Variants in CNGB1 observed in about 807,000 individuals in gnomAD.
The protein encoded by CNGB1 is cyclic nucleotide gated channel subunit beta 1, also known as cyclic nucleotide-gated channel beta-1.
Under a neutral mutation model 151.7 loss-of-function variants are expected in CNGB1, and 126 were observed. The ratio of observed to expected loss-of-function variants is 0.83; its 90% CI spans 0.72 to 0.96. The LOEUF is 0.96. Ranked by LOEUF, CNGB1 falls within the 40% of genes least tolerant of loss-of-function variation. CNGB1 has a pLI of 0.00. For synonymous variants in CNGB1, 623 were observed against 635.1 expected, an observed-to-expected ratio of 0.98 and a Z score of 0.29; for missense variants, 1,698 against 1,627.0, an observed-to-expected ratio of 1.04 and a Z score of -0.75.
At chr16:57,926,362 G>A (rs930503435) in intron 17 of CNGB1, among the ~76,000 whole-genome samples, 10 of 152,116 alleles carry the variant, frequency 6.6e-5, no homozygotes, top group Admixed American at 4.6e-4. Context: ...CACTCCACTG[G>A]GACCCAAACC....
intron 14 of CNGB1, 121 bp downstream of exon 14, chr16:57,949,232 C>T: frequency 6.4e-7 from 1 of 1,569,462 alleles, no homozygotes; most frequent in Non-Finnish European, 8.6e-7. Context: ...CAAAGCCCAG[C>T]CTTACACAGC....
At chr16:57,957,443 C>T in intron 11 of CNGB1, 66 bp from the exon 12 acceptor site, 3 of 1,445,546 alleles carry the variant, frequency 2.1e-6, no homozygotes, top group Admixed American at 1.7e-5. Flanking sequence ...CCGTTTCAGC[C>T]ACACCTTCTA....
intron 29 of CNGB1, 68 bp downstream of exon 29, chr16:57,901,284 G>A: frequency 6.7e-7 from 1 of 1,491,630 alleles, no homozygotes. Flanking sequence ...CACCCCTCCA[G>A]CTCAGTTCCT....
At chr16:57,912,013 G>C (rs1960730596) in intron 24 of CNGB1, 138 bp from the exon 25 acceptor site, 1 of 1,193,258 alleles carries the variant, frequency 8.4e-7, no homozygotes, top group Non-Finnish European at 1.2e-6. Context: ...TAGGAAGGGT[G>C]GTGCTTGAAT....
Position 57,920,398 on chromosome 16 carries a change from C to A in CNGB1, c.1790G>T (p.Ser597Ile), listed in dbSNP as rs752197419. The A allele has an allele frequency of 6.2e-7, 1 of 1,614,080 alleles. No individual in the cohort carries two copies. Among genetic ancestry groups the A allele is most frequent in the African/African-American group, 1.3e-5 (1 of 74,946 alleles). ...IDPDVTSDEE[S>I]PKPSPAKKAP... ...AGCTCCAGACTCACAGGGCTTGGGG[C>A]TCTCCTCATCAGAGGTGACGTCAGG... is the stretch of plus-strand genomic sequence containing the variant. The change falls in exon 19 of 33, where the codon AGC (serine) becomes ATC (isoleucine). Residue 597 changes from serine to isoleucine, a missense_variant. By Grantham distance (142) the Ser-to-Ile change is moderately radical. Transcript: ENST00000251102.
At chr16:57,921,846 C>T (rs1165063697) in intron 18 of CNGB1, among the ~76,000 whole-genome samples, 2 of 152,188 alleles carry the variant, frequency 1.3e-5, no homozygotes, top group African/African-American at 4.8e-5. Context: ...TGACCTGATG[C>T]ATGCAACTAT....
chr16:57,911,375 G>A (rs1192324924), intron 25 of CNGB1, among the ~76,000 whole-genome samples: 3 of 152,096 alleles, frequency 2.0e-5, no homozygotes, highest in African/African-American at 7.2e-5. Context: ...TGCAACCTCC[G>A]CCTCCTGGGT....
intron 14 of CNGB1, among the ~76,000 whole-genome samples, chr16:57,940,892 C>T (rs941523229): frequency 2.6e-5 from 4 of 151,992 alleles, no homozygotes; most frequent in Non-Finnish European, 4.4e-5. Context: ...TCATGGGTGC[C>T]GGGCCCAAGC....
At chr16:57,906,320 G>C (rs748273967) in intron 25 of CNGB1, among the ~76,000 whole-genome samples, 4 of 152,246 alleles carry the variant, frequency 2.6e-5, no homozygotes, top group Non-Finnish European at 4.4e-5. Flanking sequence ...CTGGCACGTG[G>C]TGGACTCTCA....
At chr16:57,930,638 C>T (rs1179185549) in intron 17 of CNGB1, among the ~76,000 whole-genome samples, 7 of 152,008 alleles carry the variant, frequency 4.6e-5, no homozygotes, top group African/African-American at 1.7e-4. Flanking sequence ...GAAAATGTGG[C>T]ATATCCATAC....
At chr16:57,956,100 G>A (rs548816124) in intron 12 of CNGB1, among the ~76,000 whole-genome samples, 57 of 152,306 alleles carry the variant, frequency 3.7e-4, no homozygotes, top group Non-Finnish European at 7.3e-4. Flanking sequence ...GGGGAATCCT[G>A]CCTCCTTCCA....
chr16:57,931,010 T>TA (rs1362252335), intron 17 of CNGB1, among the ~76,000 whole-genome samples: 7 of 151,564 alleles, frequency 4.6e-5, no homozygotes, highest in African/African-American at 1.2e-4. Context: ...GTTTTTTTTT[T>TA]AAAAAAGACT....
chr16:57,952,454 T>A (rs1961973919), intron 12 of CNGB1, among the ~76,000 whole-genome samples: 1 of 151,818 alleles, frequency 6.6e-6, no homozygotes. Flanking sequence ...ATTTTCTTTT[T>A]AGGTCCTATT....
intron 27 of CNGB1, among the ~76,000 whole-genome samples, chr16:57,902,127 G>A (rs1960408661): frequency 6.6e-6 from 1 of 152,136 alleles, no homozygotes; most frequent in Admixed American, 6.5e-5. Flanking sequence ...CTGGAGTGCA[G>A]TGGCATGATT....
At chr16:57,891,713 C>T (rs965769786) in intron 31 of CNGB1, among the ~76,000 whole-genome samples, 14 of 151,932 alleles carry the variant, frequency 9.2e-5, no homozygotes, top group Non-Finnish European at 1.8e-4. Flanking sequence ...CCCATGACCA[C>T]GCCTGGCTAA....
rs753557311 is a variant in CNGB1 at position 57,967,149 on chromosome 16, G to A, written c.138C>T (p.Ala46=). The A allele has an allele frequency of 3.4e-5, 55 of 1,613,964 alleles. No individual in the cohort carries two copies. In the East Asian group the frequency reaches 8.2e-4, roughly 24 times the overall value. The part of the protein sequence containing the change: ...EVEPEPNPEE[A]ETESESMPPE... ...TCACCATGGACTCGGACTCTGTCTC[G>A]GCCTCCTCAGGATTCGGTTCTGGTT... The change falls in exon 2 of 33, where the codon GCC becomes GCT. Residue 46 remains alanine (A), a synonymous_variant. Coordinates refer to ENST00000251102, the MANE Select transcript of CNGB1 (RefSeq NM_001297.5).
chr16:57,951,651 C>T (rs1961951309), intron 12 of CNGB1, among the ~76,000 whole-genome samples: 1 of 152,178 alleles, frequency 6.6e-6, no homozygotes, highest in South Asian at 2.1e-4. Flanking sequence ...TTACTATGTT[C>T]CAGGCCCTGT....
intron 32 of CNGB1, 118 bp downstream of exon 32, chr16:57,887,737 A>G (rs1453120985): frequency 1.0e-6 from 1 of 989,538 alleles, no homozygotes; most frequent in African/African-American, 1.6e-5. Flanking sequence ...CCTGACTGAT[A>G]GAAAAAGGAG....
intron 16 of CNGB1, among the ~76,000 whole-genome samples, chr16:57,933,051 C>T (rs1415308298): frequency 2.0e-5 from 3 of 152,172 alleles, no homozygotes; most frequent in African/African-American, 7.2e-5. Flanking sequence ...CCGGCAGCCT[C>T]CCGAGTAGCT....
Sources: allele counts gnomAD v4.1 joint callset (sites outside exome capture counted in the v4.1 genomes callset), GRCh38; gene constraint gnomAD v4.1.1; transcripts MANE v1.5; gene names NCBI Gene and HGNC (gene_info 2026-07-23, HGNC 2026-07-21).